SGCG: variants seen among roughly 807,000 people sequenced by gnomAD.
The protein encoded by SGCG is gamma-sarcoglycan.
A neutral mutation model predicts 29.3 loss-of-function variants in SGCG; 26 were observed. That is an observed-to-expected ratio of 0.89 (90% CI 0.65 to 1.23). The LOEUF (loss-of-function observed/expected upper bound fraction) is 1.23. SGCG is among the 50% of genes most tolerant of loss of function. SGCG has a pLI of 0.00. For synonymous variants in SGCG, 145 were observed against 129.7 expected (o/e 1.12, Z -0.80); for missense variants, 353 against 356.0 (o/e 0.99, Z 0.07).
intron 2 of SGCG, among the ~76,000 whole-genome samples, chr13:23,218,868 G>A (rs1271897130): frequency 6.7e-6 from 1 of 149,916 alleles, no homozygotes; most frequent in Non-Finnish European, 1.5e-5. Context: ...TTTTGATATT[G>A]AGAATTCTAT....
At chr13:23,271,195 G>C (rs1014551304) in intron 4 of SGCG, among the ~76,000 whole-genome samples, 13 of 152,080 alleles carry the variant, frequency 8.5e-5, no homozygotes, top group African/African-American at 3.1e-4. Flanking sequence ...CTGTGTGATA[G>C]AGTGAGACTC....
chr13:23,174,447 C>T, the SGCG span, among the ~76,000 whole-genome samples: 1 of 151,990 alleles, frequency 6.6e-6, no homozygotes, highest in South Asian at 2.1e-4. Flanking sequence ...CATGATCCAA[C>T]CATGACAGAA....
At chr13:23,250,426 C>CT (rs1255283035) in intron 3 of SGCG, among the ~76,000 whole-genome samples, 1 of 151,802 alleles carries the variant, frequency 6.6e-6, no homozygotes, top group Non-Finnish European at 1.5e-5. Flanking sequence ...GATTGTTATT[C>CT]TTTTATCTTT....
At chr13:23,245,957 C>T (rs1407229537) in intron 3 of SGCG, 1 of 152,364 alleles carries the variant, frequency 6.6e-6, no homozygotes, top group Non-Finnish European at 1.5e-5. Context: ...GACTATACCA[C>T]TTTTCCACCT....
chr13:23,275,102 T>C (rs1428449286), intron 4 of SGCG, among the ~76,000 whole-genome samples: 7 of 139,804 alleles, frequency 5.0e-5, no homozygotes, highest in African/African-American at 1.8e-4. Context: ...GCAGGTAGGA[T>C]AGTGTTCTAA....
intron 3 of SGCG, among the ~76,000 whole-genome samples, chr13:23,248,997 GAAA>G (rs147956071): frequency 8.9e-6 from 1 of 112,878 alleles, no homozygotes; most frequent in Non-Finnish European, 1.7e-5. Flanking sequence ...TCACAGAAAA[GAAA>G]AAAAAAAAAA....
chr13:23,201,174 T>C (rs1877738856), intron 1 of SGCG, among the ~76,000 whole-genome samples: 1 of 152,110 alleles, frequency 6.6e-6, no homozygotes, highest in African/African-American at 2.4e-5. Flanking sequence ...TTAGGGGACC[T>C]AAGAGCTGGC....
rs149726231 is a variant in SGCG, at chr13:23,281,945, G to A, written c.505+2467G>A. ...CATGCTTTCAAGTTATCCTTTTAAA[G>A]GACAAGTTATAATCTTCTCTTTCAT... is the stretch of plus-strand genomic sequence containing the variant. On this transcript the variant is annotated intron_variant, in intron 5 of 7. Coordinates refer to ENST00000218867, the MANE Select transcript of SGCG (RefSeq NM_000231.3). Among the ~76,000 whole-genome samples, 189 of 152,312 alleles carry A rather than the reference G, an allele frequency of 1.2e-3. 1 individual carries two copies. Among genetic ancestry groups the A allele is most frequent in the African/African-American group, 4.5e-3 (186 of 41,570 alleles).
upstream of SGCG, among the ~76,000 whole-genome samples, chr13:23,176,476 T>G (rs1259845525): frequency 6.6e-6 from 1 of 152,218 alleles, no homozygotes; most frequent in East Asian, 1.9e-4. Context: ...AAATGTTCCT[T>G]TATCATTATA....
chr13:23,263,572 T>G (rs1880527267), intron 4 of SGCG, among the ~76,000 whole-genome samples: 1 of 151,842 alleles, frequency 6.6e-6, no homozygotes, highest in Admixed American at 6.6e-5. Context: ...AAATCCTCCC[T>G]AACTCATTAT....
Position 23,320,892 on chromosome 13 carries a change from A to G in SGCG, c.702+132A>G, listed in dbSNP as rs1883011830. The stretch of plus-strand genomic sequence containing the variant: ...CATTGTGAAGGTCATAGAGTAGCAA[A>G]TGTACAAGGAAAGCAAAAGACAATT... On this transcript the variant is annotated intron_variant, in intron 7 of 7. Coordinates refer to ENST00000218867, the MANE Select transcript of SGCG (RefSeq NM_000231.3). 7 of 947,560 alleles carry G rather than the reference A, an allele frequency of 7.4e-6. No homozygotes were observed. In the South Asian group the frequency reaches 8.1e-5, roughly 11 times the overall value. The allele number at this position is 947,560 out of a possible 1,614,324, so 58.7% of individuals were successfully genotyped here.
At chr13:23,319,999 A>AT (rs2137526638) in intron 6 of SGCG, among the ~76,000 whole-genome samples, 1 of 152,260 alleles carries the variant, frequency 6.6e-6, no homozygotes, top group East Asian at 1.9e-4. Flanking sequence ...TCAGTTTAGT[A>AT]TTTTTTCCAA....
chr13:23,253,649 T>G (rs1159623719), intron 4 of SGCG, among the ~76,000 whole-genome samples: 1 of 152,230 alleles, frequency 6.6e-6, no homozygotes, highest in East Asian at 1.9e-4. Flanking sequence ...AAAATCCCAA[T>G]TAAATTCTGA....
intron 4 of SGCG, chr13:23,268,972 A>G (rs1455917156): frequency 6.6e-6 from 1 of 152,050 alleles, no homozygotes; most frequent in Non-Finnish European, 1.5e-5. Flanking sequence ...TGAAAAGAAT[A>G]TGTTAGAAAG....
At chr13:23,164,520 T>C in the SGCG span, among the ~76,000 whole-genome samples, 1 of 152,220 alleles carries the variant, frequency 6.6e-6, no homozygotes. Flanking sequence ...CCAGGTCATT[T>C]ATAAAGAAAA....
intron 2 of SGCG, among the ~76,000 whole-genome samples, chr13:23,222,911 A>G (rs1878727254): frequency 6.6e-6 from 1 of 152,110 alleles, no homozygotes; most frequent in Admixed American, 6.5e-5. Context: ...TTTAAAAGGT[A>G]TATGTTCTTC....
chr13:23,223,482 A>G (rs1467202781), intron 2 of SGCG, among the ~76,000 whole-genome samples: 1 of 152,176 alleles, frequency 6.6e-6, no homozygotes, highest in East Asian at 1.9e-4. Flanking sequence ...AGTTAAAAAG[A>G]ATAAAATTTT....
intron 2 of SGCG, among the ~76,000 whole-genome samples, chr13:23,226,420 G>C (rs1878900476): frequency 6.8e-6 from 1 of 147,744 alleles, no homozygotes; most frequent in African/African-American, 2.5e-5. Context: ...ATATCTGTAG[G>C]CTGAGAGCAA....
intron 6 of SGCG, among the ~76,000 whole-genome samples, chr13:23,312,029 A>G (rs780710309): frequency 6.6e-6 from 1 of 152,174 alleles, no homozygotes; most frequent in African/African-American, 2.4e-5. Flanking sequence ...TCTGCCACCT[A>G]TGTCCTTGGT....
Sources: gnomAD v4.1 joint callset for allele counts (sites outside exome capture counted in the v4.1 genomes callset) on GRCh38, gnomAD v4.1.1 for gene constraint, MANE v1.5 for transcripts, NCBI Gene and HGNC (gene_info 2026-07-23, HGNC 2026-07-21) for gene names.